TTN: variants seen among roughly 807,000 people sequenced by gnomAD.
TTN encodes titin.
Under a neutral mutation model 3,223.0 loss-of-function variants are expected in TTN, and 1,525 were observed. That is an observed-to-expected ratio of 0.47 (90% CI 0.45 to 0.49). TTN has a LOEUF of 0.49. TTN is among the 20% of genes least tolerant of loss of function. The pLI is 0.00. For missense variants in TTN, 40,786 were observed against 43,424.0 expected (o/e 0.94, Z 5.40); for synonymous variants, 14,094 against 15,161.0 (o/e 0.93, Z 5.17).
intron 47 of TTN, chr2:178,745,992 T>C (rs2083449255): frequency 6.2e-7 from 1 of 1,612,742 alleles, no homozygotes; most frequent in South Asian, 1.1e-5. Flanking sequence ...GAATCTCCCA[T>C]GGTGAGGAAT....
rs749153813 is a variant in TTN at position 178,589,613 on chromosome 2, A to G, written c.62112T>C (p.His20704=). The G allele has an allele frequency of 6.2e-7, 1 of 1,613,232 alleles. No individual in the cohort carries two copies. Among genetic ancestry groups the G allele is most frequent in the Admixed American group, 1.7e-5 (1 of 59,974 alleles). Residue 20704 remains histidine (H), a synonymous_variant, in exon 304 of 363, where the codon CAT becomes CAC. Coordinates refer to ENST00000589042, the MANE Select transcript of TTN (RefSeq NM_001267550.2). The part of the protein sequence containing the change: ...YDGGSPNLSY[H]VERRLKGSDD... The stretch of plus-strand genomic sequence containing the variant: ...CGGAGCCCTTAAGCCTTCTCTCAAC[A>G]TGATATGACAGATTTGGACTGCCAC...
At chr2:178,673,850 G>A in intron 151 of TTN, 140 bp from the exon 152 acceptor site, 2 of 633,422 alleles carry the variant, frequency 3.2e-6, no homozygotes. Flanking sequence ...AATAAATGTG[G>A]AGTAGGAACC....
intron 147 of TTN, 53 bp from the exon 148 acceptor site, chr2:178,676,048 G>C: frequency 6.6e-7 from 1 of 1,524,960 alleles, no homozygotes; most frequent in Non-Finnish European, 8.9e-7. Flanking sequence ...CAAAAAAAGA[G>C]AAACCAAGAA....
At position 178,730,507 on chromosome 2, in the gene TTN, T is replaced by C; in HGVS notation, c.18026A>G (p.Lys6009Arg). Residue 6009 changes from lysine (K) to arginine (R), a missense_variant and splice_region_variant, in exon 61 of 363, where the codon AAA becomes AGA. By Grantham distance (26) the Lys-to-Arg change is conservative. Coordinates refer to ENST00000589042, the MANE Select transcript of TTN (RefSeq NM_001267550.2). ...AAGTGGAAATAAAATTTGCCAACCT[T>C]TGACTGTCAGATGCCCACTGCATTG... ...HNQCSGHLTV[K>R]EPPYFVEKPQ... 1 of 1,594,986 alleles carries C rather than the reference T, an allele frequency of 6.3e-7. No individual in the cohort carries two copies. The highest frequency in any genetic ancestry group is 2.2e-5 in the East Asian group (1 of 44,488).
In TTN at chr2:178,565,238, A is replaced by T; in HGVS notation, c.80894T>A (p.Leu26965His). 1 of 1,613,540 alleles carries T rather than the reference A, an allele frequency of 6.2e-7. No individual in the cohort carries two copies. The highest frequency in any genetic ancestry group is 8.5e-7 in the Non-Finnish European group (1 of 1,179,690). The change falls in exon 326 of 363, where the codon CTC (leucine) becomes CAC (histidine). Residue 26965 changes from leucine to histidine, a missense_variant. Physicochemically the swap from Leu to His is moderately conservative, Grantham distance 99. Coordinates refer to ENST00000589042, the MANE Select transcript of TTN (RefSeq NM_001267550.2). ...TNSAGTATEN[L>H]SVIVLEKPGP... is the part of the protein sequence containing the mutation. ...AGGCTTTTCTAAAACGATAACACTGAGATTTTCTGTTGCTGTGCCTGCACT... is the reference window on the plus strand; with the variant it reads ...AGGCTTTTCTAAAACGATAACACTGTGATTTTCTGTTGCTGTGCCTGCACT...
intron 335 of TTN, 137 bp from the exon 336 acceptor site, chr2:178,551,397 C>T (rs1699377568): frequency 2.7e-6 from 2 of 749,236 alleles, no homozygotes; most frequent in Non-Finnish European, 3.8e-6. Flanking sequence ...ATTCAATCTC[C>T]CAAACTCATA....
intron 242 of TTN, 51 bp from the exon 243 acceptor site, chr2:178,622,818 C>G (rs2058495761): frequency 7.5e-7 from 1 of 1,340,450 alleles, no homozygotes. Flanking sequence ...GAAATTTACT[C>G]TGACATTACC....
In TTN at chr2:178,552,007, C is replaced by G. The variant is rs767538180; in HGVS notation, c.90893G>C (p.Arg30298Thr). Reference protein sequence around the residue: ...NLVKDAEYQFRVRAENRYGVS... With the variant: ...NLVKDAEYQFTVRAENRYGVS... ...TCCGTATCTGTTTTCTGCTCTCACT[C>G]TAAACTGGTACTCAGCATCTTTGAC... Residue 30298 changes from arginine to threonine, a missense_variant, in exon 335 of 363, where the codon AGA becomes ACA. Arg to Thr is a moderately conservative substitution (Grantham distance 71). Coordinates refer to ENST00000589042, the MANE Select transcript of TTN (RefSeq NM_001267550.2). 2 of 1,612,754 alleles carry G rather than the reference C, an allele frequency of 1.2e-6. No homozygotes were observed. Among genetic ancestry groups the G allele is most frequent in the South Asian group, 1.1e-5 (1 of 90,990 alleles).
chr2:178,545,345 G>A (rs765564231), intron 344 of TTN, 43 bp downstream of exon 344: 3 of 1,495,286 alleles, frequency 2.0e-6, no homozygotes, highest in Admixed American at 2.3e-5. Context: ...CTGTCATATA[G>A]TTTTGAGGAG....
intron 308 of TTN, among the ~76,000 whole-genome samples, chr2:178,586,055 C>G (rs1260857543): frequency 1.3e-5 from 2 of 152,110 alleles, no homozygotes; most frequent in South Asian, 4.1e-4. Flanking sequence ...TACACTCCCA[C>G]CAACAGTGTA....
rs983103889 is a variant in TTN at position 178,541,418 on chromosome 2, A to G, written c.97659T>C (p.Pro32553=). Residue 32553 remains proline, a synonymous_variant, in exon 350 of 363, where the codon CCT becomes CCC. Coordinates refer to ENST00000589042, the MANE Select transcript of TTN (RefSeq NM_001267550.2). ...TGGAGCGGTACCGTGTCATTGTCAC[A>G]GGTACTTTATTTACACGGACCCATC... ...ADRWVRVNKV[P]VTMTRYRSTG... The G allele has an allele frequency of 6.2e-7, 1 of 1,613,310 alleles. No homozygotes were observed. Among genetic ancestry groups the G allele is most frequent in the Non-Finnish European group, 8.5e-7 (1 of 1,179,522 alleles).
At position 178,777,274 on chromosome 2, in the gene TTN, T is replaced by G; in HGVS notation, c.4689A>C (p.Lys1563Asn). ...QVKPMFVEKL[K>N]NVNIKEGSRL... ...GGGAACCTTCCTTTATATTGACATTTTTCAGTTTTTCTACAAACATCGGTT... is the reference window on the plus strand; with the variant it reads ...GGGAACCTTCCTTTATATTGACATTGTTCAGTTTTTCTACAAACATCGGTT... The change falls in exon 27 of 363, where the codon AAA (lysine) becomes AAC (asparagine). Residue 1563 changes from lysine to asparagine, a missense_variant. Coordinates refer to ENST00000589042, the MANE Select transcript of TTN (RefSeq NM_001267550.2). 6.2e-7 allele frequency: 1 copy of G among 1,614,084 alleles called. No individual in the cohort carries two copies. The highest frequency in any genetic ancestry group is 2.2e-5 in the East Asian group (1 of 44,848).
Position 178,731,758 on chromosome 2 carries a change from T to G in TTN, c.17117A>C (p.Glu5706Ala). The G allele has an allele frequency of 6.2e-7, 1 of 1,613,784 alleles. No homozygotes were observed. The highest frequency in any genetic ancestry group is 1.3e-5 in the African/African-American group (1 of 75,038). ...CTCATTGGTCACCCGACACTGGTATTCGCCAGCATCTGCAGCTACAAACTT... is the reference window on the plus strand; with the variant it reads ...CTCATTGGTCACCCGACACTGGTATGCGCCAGCATCTGCAGCTACAAACTT... ...ILKFVAADAGEYQCRVTNEVG... is the reference protein window; with the variant it reads ...ILKFVAADAGAYQCRVTNEVG... Residue 5706 changes from glutamate (E) to alanine (A), a missense_variant, in exon 58 of 363, where the codon GAA becomes GCA. Physicochemically the swap from Glu to Ala is moderately radical, Grantham distance 107. Coordinates refer to ENST00000589042, the MANE Select transcript of TTN (RefSeq NM_001267550.2).
chr2:178,749,576 A>T, intron 47 of TTN: 2 of 1,612,608 alleles, frequency 1.2e-6, no homozygotes, highest in Non-Finnish European at 1.7e-6. Flanking sequence ...CTGGTCTTGC[A>T]GTTGCTGATC....
chr2:178,637,422 G>A lies in TTN; in HGVS notation c.40877-3C>T. ...CTCTTCCTTAGGTGCTTTGGCTTCT[G>A]AAATAAAAATAAAACTCAGCATTTA... On this transcript the variant is annotated splice_polypyrimidine_tract_variant and splice_region_variant and intron_variant, in intron 223 of 362. Transcript: ENST00000589042. The A allele has an allele frequency of 6.8e-7, 1 of 1,473,856 alleles. No homozygotes were observed. The highest frequency in any genetic ancestry group is 9.0e-7 in the Non-Finnish European group (1 of 1,114,330). The allele number at this position is 1,473,856 out of a possible 1,614,324, so 91.3% of individuals were successfully genotyped here.
At position 178,692,068 on chromosome 2, in the gene TTN, C is replaced by G. The variant is rs1338646609; in HGVS notation, c.31710G>C (p.Glu10570Asp). ...TAGGCACAGGAACTGGCTTTTTCTCCTCTGGCACGGGTTTCTTGGGAACCT... is the reference window on the plus strand; with the variant it reads ...TAGGCACAGGAACTGGCTTTTTCTCGTCTGGCACGGGTTTCTTGGGAACCT... ...VPEVPKKPVP[E>D]EKKPVPVPKK... The change falls in exon 121 of 363, where the codon GAG (glutamate) becomes GAC (aspartate). Residue 10570 changes from glutamate to aspartate, a missense_variant. Transcript: ENST00000589042. 12 of 1,613,096 alleles carry G rather than the reference C, an allele frequency of 7.4e-6. No homozygotes were observed. The highest frequency in any genetic ancestry group is 8.5e-6 in the Non-Finnish European group (10 of 1,179,382).
rs1419821413 is a variant in TTN, at chr2:178,776,238, G to C, written c.5626C>G (p.Leu1876Val). Residue 1876 changes from leucine to valine, a missense_variant, in exon 28 of 363, where the codon CTC becomes GTC. Coordinates refer to ENST00000589042, the MANE Select transcript of TTN (RefSeq NM_001267550.2). ...CTTTTGCGGATGAGCTGTCCATTGA[G>C]GTACCAGTTGACTTTGGGCTGAGGG... ...GYPQPKVNWY[L>V]NGQLIRKSKR... The C allele has an allele frequency of 3.1e-6, 5 of 1,614,030 alleles. No individual in the cohort carries two copies. In the African/African-American group the frequency reaches 6.7e-5, roughly 22 times the overall value.
Position 178,580,570 on chromosome 2 carries a change from G to A in TTN, c.66809C>T (p.Thr22270Ile), listed in dbSNP as rs2047465405. 1 of 1,612,018 alleles carries A rather than the reference G, an allele frequency of 6.2e-7. No homozygotes were observed. The highest frequency in any genetic ancestry group is 1.3e-5 in the African/African-American group (1 of 74,848). The change falls in exon 317 of 363, where the codon ACA becomes ATA. Residue 22270 changes from threonine (T) to isoleucine (I), a missense_variant. Physicochemically the swap from Thr to Ile is moderately conservative, Grantham distance 89 (BLOSUM62 -1). Transcript: ENST00000589042. ...EGELDADLRK[T>I]LILRAGVTMR... ...AGTAACTCCAGCACGTAATATGAGT[G>A]TCTTCCTTAAGTCCGCATCAAGTTC...
At position 178,795,181 on chromosome 2, in the gene TTN, T is replaced by G; in HGVS notation, c.986A>C (p.Lys329Thr). The change falls in exon 7 of 363, where the codon AAG becomes ACG. Residue 329 changes from lysine (K) to threonine (T), a missense_variant. Physicochemically the swap from Lys to Thr is moderately conservative, Grantham distance 78. Transcript: ENST00000589042. ...RSVRSPLLMR[K>T]TQASTVATGP... Reference sequence around the variant, plus strand: ...TGTGGCCACGGTGGATGCCTGAGTCTTACGCATGAGCAATGGAGACCTAAC... The same window carrying G: ...TGTGGCCACGGTGGATGCCTGAGTCGTACGCATGAGCAATGGAGACCTAAC... 1 of 1,614,140 alleles carries G rather than the reference T, an allele frequency of 6.2e-7. No individual in the cohort carries two copies.
Sources: allele counts gnomAD v4.1 joint callset (sites outside exome capture counted in the v4.1 genomes callset), GRCh38; gene constraint gnomAD v4.1.1; transcripts MANE v1.5; gene names NCBI Gene and HGNC (gene_info 2026-07-23, HGNC 2026-07-21).